The following RERE variants were observed in gnomAD, a reference collection of about 807,000 sequenced individuals.
The protein encoded by RERE is arginine-glutamic acid dipeptide repeats protein.
Under a neutral mutation model 146.1 loss-of-function variants are expected in RERE, and 40 were observed. The observed-to-expected ratio is 0.27, with a 90% CI of 0.21 to 0.36. RERE has a LOEUF of 0.36. Among genes scored for constraint, RERE ranks in the 10% least tolerant of loss-of-function variants. RERE has a pLI of 1.00. For synonymous variants in RERE, 1,003 were observed against 866.0 expected, an observed-to-expected ratio of 1.16 and a Z score of -2.78; for missense variants, 1,933 against 2,138.7, an observed-to-expected ratio of 0.90 and a Z score of 1.90.
chr1:8,404,613 T>C (rs1643386613), intron 12 of RERE, among the ~76,000 whole-genome samples: 1 of 152,194 alleles, frequency 6.6e-6, no homozygotes. Flanking sequence ...GTCCCACAGA[T>C]TCTAATCTGA....
At chr1:8,726,657 T>C (rs1639975257) in intron 1 of RERE, among the ~76,000 whole-genome samples, 1 of 152,078 alleles carries the variant, frequency 6.6e-6, no homozygotes, top group Non-Finnish European at 1.5e-5. Flanking sequence ...AAAATTTAAC[T>C]TTCCATTGCC....
chr1:8,358,284 C>A lies in RERE; in HGVS notation c.4251G>T (p.Leu1417=). ...ASLTSDPLAR[L]QMFNVTPHHH... ...GGTGCGGAGTCACGTTGAACATCTG[C>A]AGTCGGGCCAGGGGATCGCTGGTCA... Residue 1417 remains leucine (L), a synonymous_variant, in exon 20 of 23, where the codon CTG becomes CTT. Coordinates refer to ENST00000400908, the MANE Select transcript of RERE (RefSeq NM_001042681.2). The A allele has an allele frequency of 6.2e-7, 1 of 1,613,644 alleles. No homozygotes were observed. Among genetic ancestry groups the A allele is most frequent in the South Asian group, 1.1e-5 (1 of 91,066 alleles).
In RERE at chr1:8,614,676, G is replaced by C. The variant is rs1646830553; in HGVS notation, c.407C>G (p.Ser136Cys). 6.2e-7 allele frequency: 1 copy of C among 1,609,584 alleles called. No homozygotes were observed. The highest frequency in any genetic ancestry group is 1.7e-5 in the Admixed American group (1 of 59,170). ...AGTTGGAGATCTGCAACAGGCCTGG[G>C]AGTTGTGGACCTAAAAAAGAAAACA... ...SIQDFKLVHN[S>C]QACCRSPTPA... Residue 136 changes from serine (S) to cysteine (C), a missense_variant, in exon 4 of 23, where the codon TCC becomes TGC. Ser to Cys is a moderately radical substitution (Grantham distance 112, BLOSUM62 -1). Coordinates refer to ENST00000400908, the MANE Select transcript of RERE (RefSeq NM_001042681.2).
intron 1 of RERE, among the ~76,000 whole-genome samples, chr1:8,748,249 G>C (rs889524837): frequency 5.3e-5 from 8 of 152,132 alleles, no homozygotes; most frequent in Non-Finnish European, 1.0e-4. Context: ...CTGGTAAATA[G>C]TGGAGCTGAG....
chr1:8,690,704 A>G (rs1639189270), intron 1 of RERE, among the ~76,000 whole-genome samples: 1 of 152,184 alleles, frequency 6.6e-6, no homozygotes, highest in South Asian at 2.1e-4. Context: ...CGGGTCACAC[A>G]GGCTACAAAG....
At chr1:8,555,381 G>C (rs1645994820) in intron 6 of RERE, among the ~76,000 whole-genome samples, 1 of 152,154 alleles carries the variant, frequency 6.6e-6, no homozygotes, top group African/African-American at 2.4e-5. Flanking sequence ...CAGATACCAT[G>C]TGAAACATCA....
chr1:8,401,069 A>ATATATATGTATGTATG (rs761609705), intron 12 of RERE, among the ~76,000 whole-genome samples: 4 of 85,112 alleles, frequency 4.7e-5, no homozygotes, highest in Non-Finnish European at 5.0e-5. Flanking sequence ...ATATATATAT[A>ATATATATGTATGTATG]TATGTCACTT....
At chr1:8,805,458 G>A (rs980252613) in intron 1 of RERE, among the ~76,000 whole-genome samples, 8 of 152,004 alleles carry the variant, frequency 5.3e-5, no homozygotes, top group African/African-American at 1.2e-4. Context: ...AGACCAGCCT[G>A]GTCAACATGG....
chr1:8,638,647 A>T (rs144168574), intron 2 of RERE, among the ~76,000 whole-genome samples: 563 of 152,278 alleles, frequency 3.7e-3, no homozygotes, highest in Middle Eastern at 0.027. Context: ...CTGACCATAC[A>T]ACAAATGTTA....
At chr1:8,499,402 C>T (rs1176530717) in intron 8 of RERE, among the ~76,000 whole-genome samples, 4 of 152,184 alleles carry the variant, frequency 2.6e-5, no homozygotes, top group African/African-American at 7.2e-5. Context: ...TGGCTCCCGA[C>T]CTGGATGTGC....
At chr1:8,441,061 T>C (rs1644241426) in intron 11 of RERE, among the ~76,000 whole-genome samples, 1 of 151,810 alleles carries the variant, frequency 6.6e-6, no homozygotes, top group South Asian at 2.1e-4. Flanking sequence ...TGATAAACCC[T>C]TGGAGGGCAA....
chr1:8,661,823 G>C (rs1638462936), intron 1 of RERE, among the ~76,000 whole-genome samples: 1 of 152,168 alleles, frequency 6.6e-6, no homozygotes, highest in African/African-American at 2.4e-5. Flanking sequence ...GTCCAGGCTG[G>C]AGATAATAAT....
At chr1:8,652,337 G>GT (rs1647671592) in intron 2 of RERE, among the ~76,000 whole-genome samples, 1 of 152,124 alleles carries the variant, frequency 6.6e-6, no homozygotes, top group South Asian at 2.1e-4. Flanking sequence ...TGTCACAAAG[G>GT]TTTTCAGATT....
intron 1 of RERE, among the ~76,000 whole-genome samples, chr1:8,737,498 G>A (rs933536370): frequency 6.6e-6 from 1 of 151,998 alleles, no homozygotes; most frequent in South Asian, 2.1e-4. Context: ...TTCCGTTGTC[G>A]AACCTTTGAA....
In RERE at chr1:8,693,627, T is replaced by A. The variant is rs72639687; in HGVS notation, c.-144-37186A>T. 5.5e-3 allele frequency among the ~76,000 whole-genome samples: 843 copies of A among 152,244 alleles called. 2 individuals carry two copies. Among genetic ancestry groups the A allele is most frequent in the Non-Finnish European group, 9.4e-3 (640 of 68,020 alleles). Reference sequence around the variant, plus strand: ...ATGAATAGGGAGAACATAGGGCATGTTTAGAGCAGTAAAGACTCTTCTATA... The same window carrying A: ...ATGAATAGGGAGAACATAGGGCATGATTAGAGCAGTAAAGACTCTTCTATA... On this transcript the variant is annotated intron_variant, in intron 1 of 22. Transcript: ENST00000400908.
At chr1:8,813,767 A>G (rs535632319) in intron 1 of RERE, among the ~76,000 whole-genome samples, 2 of 152,154 alleles carry the variant, frequency 1.3e-5, no homozygotes, top group South Asian at 2.1e-4. Flanking sequence ...GCCACGCGCC[A>G]AAGTGCCAGG....
chr1:8,759,840 C>T (rs74050282), intron 1 of RERE, among the ~76,000 whole-genome samples: 2,900 of 123,024 alleles, frequency 0.024, 81 homozygotes, highest in African/African-American at 0.094. Context: ...TCTCTCTATA[C>T]ACACACACAC....
intron 1 of RERE, among the ~76,000 whole-genome samples, chr1:8,787,759 T>C (rs2124569085): frequency 6.9e-6 from 1 of 144,348 alleles, no homozygotes; most frequent in African/African-American, 2.6e-5. Flanking sequence ...TGAATACTGG[T>C]AGCAGAGGTT....
At chr1:8,446,116 G>A (rs899414678) in intron 11 of RERE, among the ~76,000 whole-genome samples, 5 of 152,048 alleles carry the variant, frequency 3.3e-5, no homozygotes, top group Admixed American at 6.6e-5. Context: ...TTTCTCTTTC[G>A]CTTATGAAGC....
Sources: allele counts gnomAD v4.1 joint callset (sites outside exome capture counted in the v4.1 genomes callset), GRCh38; gene constraint gnomAD v4.1.1; transcripts MANE v1.5; gene names NCBI Gene and HGNC (gene_info 2026-07-23, HGNC 2026-07-21).